The following SPTB variants were observed in gnomAD, a reference collection of about 807,000 sequenced individuals.
SPTB encodes spectrin beta, erythrocytic, also known as spectrin beta chain, erythrocytic.
In SPTB, 45 loss-of-function variants were observed where a neutral mutation model predicts 256.2. The ratio of observed to expected loss-of-function variants is 0.18; its 90% CI spans 0.14 to 0.23. The LOEUF (loss-of-function observed/expected upper bound fraction) is 0.23, where lower values mean the gene tolerates loss of function less well. Ranked by LOEUF, SPTB falls within the 10% of genes least tolerant of loss-of-function variation. The pLI is 1.00. For synonymous variants in SPTB, 1,231 were observed against 1,243.1 expected, an observed-to-expected ratio of 0.99 and a Z score of 0.21; for missense variants, 2,715 against 3,040.4, an observed-to-expected ratio of 0.89 and a Z score of 2.52.
rs1026281810 is a variant in SPTB at position 64,786,063 on chromosome 14, C to A, written c.3562-112G>T. 5 of 1,108,130 alleles carry A rather than the reference C, an allele frequency of 4.5e-6. No individual in the cohort carries two copies. The East Asian group carries it at 7.1e-5, about 16-fold the overall frequency. 68.6% of individuals were successfully genotyped at this position (1,108,130 alleles called of 1,614,324 possible). On this transcript the variant is annotated intron_variant, in intron 16 of 35. Transcript: ENST00000644917. The surrounding 1 kb of genome is among the most constrained non-coding windows in gnomAD (Gnocchi z 5.6). Reference sequence around the variant, plus strand: ...CACACAGGCCACGGTATGAATGAGCCCCCTAGAGTAGTACAGGGAGGAGGC... The same window carrying A: ...CACACAGGCCACGGTATGAATGAGCACCCTAGAGTAGTACAGGGAGGAGGC...
chr14:64,771,544 C>G (rs188299732), intron 26 of SPTB, among the ~76,000 whole-genome samples: 2 of 152,130 alleles, frequency 1.3e-5, no homozygotes, highest in Non-Finnish European at 2.9e-5. Context: ...AGTAACTGGT[C>G]CAGGGTCCTT....
chr14:64,779,582 T>C lies in SPTB; in HGVS notation c.4473+143A>G. The C allele has an allele frequency of 2.3e-6, 2 of 870,110 alleles. No individual in the cohort carries two copies. Among genetic ancestry groups the C allele is most frequent in the South Asian group, 2.7e-5 (2 of 74,246 alleles). The allele number at this position is 870,110 out of a possible 1,614,324, so 53.9% of individuals were successfully genotyped here. A position where few individuals can be genotyped will look rare whatever the true frequency, so the allele number is the denominator to read the frequency against. On this transcript the variant is annotated intron_variant, in intron 21 of 35. Coordinates refer to ENST00000644917, the MANE Select transcript of SPTB (RefSeq NM_001355436.2). This position sits in a 1 kb window ranked among gnomAD's most constrained non-coding sequence, Gnocchi z 4.2. ...ACTGGCTTGAGCTTTCCATTTAATG[T>C]AATCCTCACAAGAACCCTATGAGAT...
Position 64,775,727 on chromosome 14 carries a change from C to T in SPTB, c.4564-324G>A, listed in dbSNP as rs1195085021. On this transcript the variant is annotated intron_variant, in intron 22 of 35. Transcript: ENST00000644917. The surrounding 1 kb of genome is among the most constrained non-coding windows in gnomAD (Gnocchi z 5.0). ...TGTGCTCTTGACTGTCCCCTATCTT[C>T]CTGTGCTTCAGCAGAGCTTGATTCC... Among the ~76,000 whole-genome samples the T allele has an allele frequency of 6.6e-6, 1 of 152,238 alleles. No homozygotes were observed. The highest frequency in any genetic ancestry group is 1.9e-4 in the East Asian group (1 of 5,200).
chr14:64,810,838 AG>A (rs2083075202), intron 2 of SPTB, among the ~76,000 whole-genome samples: 2 of 152,242 alleles, frequency 1.3e-5, no homozygotes, highest in Non-Finnish European at 2.9e-5. Context: ...GTGTTGGACC[AG>A]GCATTGTGGC....
chr14:64,813,523 CTGTT>C (rs148557228), intron 2 of SPTB, among the ~76,000 whole-genome samples: 8,749 of 152,068 alleles, frequency 0.058, 289 homozygotes, highest in South Asian at 0.14. Flanking sequence ...TTGTTGTTTT[CTGTT>C]TGTTTGTTTT....
intron 1 of SPTB, among the ~76,000 whole-genome samples, chr14:64,849,234 A>G (rs2083741245): frequency 6.6e-6 from 1 of 152,250 alleles, no homozygotes; most frequent in Non-Finnish European, 1.5e-5. Flanking sequence ...TTGAAAACAC[A>G]TATCCTCAAT....
intron 1 of SPTB, among the ~76,000 whole-genome samples, chr14:64,839,164 T>C (rs557584087): frequency 6.6e-6 from 1 of 152,298 alleles, no homozygotes; most frequent in East Asian, 1.9e-4. Context: ...ATATTTATAG[T>C]GGCTTTATTT....
Position 64,823,199 on chromosome 14 carries a change from T to C in SPTB, c.-51-54A>G, listed in dbSNP as rs2083324896. 2 of 1,415,708 alleles carry C rather than the reference T, an allele frequency of 1.4e-6. No homozygotes were observed. The highest frequency in any genetic ancestry group is 2.0e-6 in the Non-Finnish European group (2 of 1,008,320). 87.7% of individuals were successfully genotyped at this position (1,415,708 alleles called of 1,614,324 possible). A position where few individuals can be genotyped will look rare whatever the true frequency, so the allele number is the denominator to read the frequency against. ...TATCTCTCTACCCCCTCGGACTTTT[T>C]CTCCGGGGAAACTTATTCGGAGCAT... is the stretch of plus-strand genomic sequence containing the variant. On this transcript the variant is annotated intron_variant, in intron 1 of 35. Coordinates refer to ENST00000644917, the MANE Select transcript of SPTB (RefSeq NM_001355436.2). This position sits in a 1 kb window ranked among gnomAD's most constrained non-coding sequence, Gnocchi z 6.5.
At chr14:64,783,289 C>G (rs1020103305) in intron 19 of SPTB, among the ~76,000 whole-genome samples, 3 of 152,088 alleles carry the variant, frequency 2.0e-5, no homozygotes, top group Non-Finnish European at 4.4e-5. Context: ...CTGCAACCTC[C>G]GCCCCCCAGT....
chr14:64,797,724 G>T lies in SPTB; in HGVS notation c.1182+5C>A. ...GTCAATGCATAACGGAAAATGCTGTGGTACCCTGTTGATGTCAGACACTAG... is the reference window on the plus strand; with the variant it reads ...GTCAATGCATAACGGAAAATGCTGTTGTACCCTGTTGATGTCAGACACTAG... On this transcript the variant is annotated splice_donor_5th_base_variant and intron_variant, in intron 10 of 35. Coordinates refer to ENST00000644917, the MANE Select transcript of SPTB (RefSeq NM_001355436.2). 6.3e-7 allele frequency: 1 copy of T among 1,595,450 alleles called. No homozygotes were observed. The highest frequency in any genetic ancestry group is 2.2e-5 in the East Asian group (1 of 44,782).
In SPTB at chr14:64,873,726, A is replaced by G. The variant is rs534407987; in HGVS notation, c.-52+6066T>C. Among the ~76,000 whole-genome samples the G allele has an allele frequency of 6.6e-6, 1 of 152,276 alleles. No homozygotes were observed. Among genetic ancestry groups the G allele is most frequent in the South Asian group, 2.1e-4 (1 of 4,818 alleles). ...ACCAGAAGGCCCAGAATATTCAATT[A>G]CTCCACTGAGAAGACCTGGAAACAG... On this transcript the variant is annotated intron_variant, in intron 1 of 35. Transcript: ENST00000644917. The surrounding 1 kb of genome is among the most constrained non-coding windows in gnomAD (Gnocchi z 4.3).
rs879096589 is a variant in SPTB at position 64,773,140 on chromosome 14, C to T, written c.5178+80G>A. On this transcript the variant is annotated intron_variant, in intron 25 of 35. Transcript: ENST00000644917. ...TGGGGAGGTTACGTCCTATGCAGCACTCTGTGTGTCTTGAGTGACGGCTGG... is the reference window on the plus strand; with the variant it reads ...TGGGGAGGTTACGTCCTATGCAGCATTCTGTGTGTCTTGAGTGACGGCTGG... 30 of 1,588,932 alleles carry T rather than the reference C, an allele frequency of 1.9e-5. No individual in the cohort carries two copies. In the South Asian group the frequency reaches 2.8e-4, roughly 15 times the overall value.
In SPTB at chr14:64,793,047, G is replaced by A. The variant is rs1166138272; in HGVS notation, c.2616C>T (p.Ala872=). The change falls in exon 14 of 36, where the codon GCC becomes GCT. Residue 872 remains alanine (A), a synonymous_variant. Transcript: ENST00000644917. This position sits in a 1 kb window ranked among gnomAD's most constrained non-coding sequence, Gnocchi z 7.0. ...LWMGEKEKWL[A]EMEMPDTLED... ...CCAGGGTGTCTGGCATTTCCATCTC[G>A]GCCAGCCACTTCTCCTTCTCTCCCA... is the stretch of plus-strand genomic sequence containing the variant. 1.1e-5 allele frequency: 17 copies of A among 1,613,794 alleles called. No homozygotes were observed. The highest frequency in any genetic ancestry group is 1.4e-5 in the Non-Finnish European group (16 of 1,180,046).
At position 64,779,314 on chromosome 14, in the gene SPTB, T is replaced by C. The variant is rs2139530999; in HGVS notation, c.4474-68A>G. 5 of 1,341,712 alleles carry C rather than the reference T, an allele frequency of 3.7e-6. No individual in the cohort carries two copies. In the East Asian group the frequency reaches 9.6e-5, roughly 26 times the overall value. The allele number at this position is 1,341,712 out of a possible 1,614,324, so 83.1% of individuals were successfully genotyped here. A position where few individuals can be genotyped will look rare whatever the true frequency, so the allele number is the denominator to read the frequency against. On this transcript the variant is annotated intron_variant, in intron 21 of 35. Coordinates refer to ENST00000644917, the MANE Select transcript of SPTB (RefSeq NM_001355436.2). The surrounding 1 kb of genome is among the most constrained non-coding windows in gnomAD (Gnocchi z 4.2). ...GCCAACCTTTCCTGAGTGCTCACCA[T>C]GGGCGGCGCAGAGCTTTGCTGGCAG...
intron 33 of SPTB, among the ~76,000 whole-genome samples, chr14:64,750,692 C>T (rs1408195782): frequency 2.6e-5 from 4 of 151,790 alleles, no homozygotes; most frequent in African/African-American, 9.7e-5. Flanking sequence ...AGGAGAATCG[C>T]TTGAACCCGG....
chr14:64,774,044 T>C (rs2082318588), intron 24 of SPTB, among the ~76,000 whole-genome samples: 1 of 152,230 alleles, frequency 6.6e-6, no homozygotes, highest in African/African-American at 2.4e-5. Flanking sequence ...TGTGAAGTCC[T>C]GGAGACCTTC....
chr14:64,839,572 T>A (rs1291300876), intron 1 of SPTB, among the ~76,000 whole-genome samples: 1 of 152,192 alleles, frequency 6.6e-6, no homozygotes, highest in Non-Finnish European at 1.5e-5. Flanking sequence ...AAATTATGCT[T>A]TGATAGACCT....
chr14:64,786,446 G>C lies in SPTB; in HGVS notation c.3519C>G (p.Phe1173Leu). ...TLAQCLGFQEFQKDAKQAEAI... is the reference protein window; with the variant it reads ...TLAQCLGFQELQKDAKQAEAI... The stretch of plus-strand genomic sequence containing the variant: ...CTTCAGCCTGCTTGGCATCTTTCTG[G>C]AACTCCTGGAAGCCAAGGCACTGAG... The change falls in exon 16 of 36, where the codon TTC (phenylalanine) becomes TTG (leucine). Residue 1173 changes from phenylalanine to leucine, a missense_variant. By Grantham distance (22) the Phe-to-Leu change is conservative. Coordinates refer to ENST00000644917, the MANE Select transcript of SPTB (RefSeq NM_001355436.2). The surrounding 1 kb of genome is among the most constrained non-coding windows in gnomAD (Gnocchi z 5.6). The C allele has an allele frequency of 6.2e-7, 1 of 1,614,066 alleles. No individual in the cohort carries two copies. Among genetic ancestry groups the C allele is most frequent in the East Asian group, 2.2e-5 (1 of 44,860 alleles).
intron 3 of SPTB, 90 bp from the exon 4 acceptor site, chr14:64,803,870 C>T (rs2082934178): frequency 7.4e-7 from 1 of 1,351,060 alleles, no homozygotes; most frequent in Non-Finnish European, 1.0e-6. Context: ...TCATAAGCAC[C>T]CACCCTCCAC....
Sources: gnomAD v4.1 joint callset for allele counts (sites outside exome capture counted in the v4.1 genomes callset) on GRCh38, gnomAD v4.1.1 for gene constraint, Gnocchi (gnomAD v3.1) non-coding constraint, MANE v1.5 for transcripts, NCBI Gene and HGNC (gene_info 2026-07-23, HGNC 2026-07-21) for gene names.